Variants in MPP7 observed in about 807,000 individuals in gnomAD.
The protein encoded by MPP7 is MAGUK p55 scaffold protein 7, also known as MAGUK p55 subfamily member 7.
In MPP7, 60 loss-of-function variants were observed where a neutral mutation model predicts 76.5. The observed-to-expected ratio is 0.78, with a 90% CI of 0.64 to 0.97. The LOEUF (loss-of-function observed/expected upper bound fraction) is 0.97, where lower values mean the gene tolerates loss of function less well. Ranked by LOEUF, MPP7 falls within the 50% of genes least tolerant of loss-of-function variation. The pLI is 0.00. For missense variants in MPP7, 641 were observed against 694.0 expected, an observed-to-expected ratio of 0.92 and a Z score of 0.86; for synonymous variants, 237 against 244.5, an observed-to-expected ratio of 0.97 and a Z score of 0.29.
At chr10:28,170,634 T>C (rs1836649101) in intron 3 of MPP7, among the ~76,000 whole-genome samples, 1 of 150,954 alleles carries the variant, frequency 6.6e-6, no homozygotes, top group Non-Finnish European at 1.5e-5. Context: ...TGTATTATTA[T>C]TATATGTCTA....
chr10:28,304,577 A>G (rs1173131761), upstream of MPP7, among the ~76,000 whole-genome samples: 1 of 152,154 alleles, frequency 6.6e-6, no homozygotes, highest in Non-Finnish European at 1.5e-5. Flanking sequence ...AGTTTTTACC[A>G]AACCTTTCTA....
chr10:28,165,052 G>T (rs2801844), intron 3 of MPP7, among the ~76,000 whole-genome samples: 113,618 of 151,958 alleles, frequency 0.75, 42,613 homozygotes, highest in Middle Eastern at 0.84. Flanking sequence ...GATTCTCTTC[G>T]CCTCACTAAT....
chr10:28,113,973 G>A (rs1289760958), intron 11 of MPP7, among the ~76,000 whole-genome samples: 4 of 152,190 alleles, frequency 2.6e-5, no homozygotes, highest in African/African-American at 9.7e-5. Context: ...TATTCCAAGG[G>A]AGAGTCTCCT....
intron 2 of MPP7, among the ~76,000 whole-genome samples, chr10:28,311,318 T>C (rs1212160211): frequency 1.3e-5 from 2 of 151,578 alleles, no homozygotes; most frequent in Non-Finnish European, 3.0e-5. Context: ...CATACGGGTG[T>C]GAATGACAGC....
chr10:28,134,318 G>A (rs929048745), intron 5 of MPP7, among the ~76,000 whole-genome samples: 3 of 152,118 alleles, frequency 2.0e-5, no homozygotes, highest in African/African-American at 7.2e-5. Flanking sequence ...CTCTTGGTGA[G>A]ATGCCTCCTC....
intron 5 of MPP7, among the ~76,000 whole-genome samples, chr10:28,133,475 T>C (rs1437630113): frequency 6.6e-6 from 1 of 152,218 alleles, no homozygotes; most frequent in Non-Finnish European, 1.5e-5. Context: ...ACCTTGTTCT[T>C]TGCCTTCATA....
At chr10:28,102,997 T>C (rs946268360) in intron 11 of MPP7, among the ~76,000 whole-genome samples, 2 of 152,222 alleles carry the variant, frequency 1.3e-5, no homozygotes, top group Admixed American at 1.3e-4. Context: ...CATTCTATTA[T>C]CTTGACAACC....
chr10:28,095,565 TTC>T (rs1853530682), intron 11 of MPP7, among the ~76,000 whole-genome samples: 1 of 152,152 alleles, frequency 6.6e-6, no homozygotes, highest in Non-Finnish European at 1.5e-5. Flanking sequence ...GGGAGAGTAA[TTC>T]TGTGTCAGAA....
intron 2 of MPP7, among the ~76,000 whole-genome samples, chr10:28,314,469 T>C (rs867488612): frequency 2.6e-5 from 4 of 152,194 alleles, no homozygotes; most frequent in South Asian, 2.1e-4. Context: ...TGGAGTGGGC[T>C]TGATGAAAGA....
intron 1 of MPP7, among the ~76,000 whole-genome samples, chr10:28,273,815 T>C (rs1840403295): frequency 6.6e-6 from 1 of 152,204 alleles, no homozygotes; most frequent in Non-Finnish European, 1.5e-5. Flanking sequence ...CAAAGCTGCA[T>C]GTATCTCAGA....
chr10:28,327,644 AT>A (rs1444716270), intron 2 of MPP7, among the ~76,000 whole-genome samples: 2 of 152,166 alleles, frequency 1.3e-5, no homozygotes, highest in African/African-American at 4.8e-5. Flanking sequence ...CGAGGTTTCT[AT>A]TTTTAACCAA....
intron 12 of MPP7, among the ~76,000 whole-genome samples, chr10:28,085,216 G>A (rs1564622735): frequency 2.0e-5 from 3 of 152,024 alleles, no homozygotes; most frequent in South Asian, 2.1e-4. Flanking sequence ...GGTCTGAATC[G>A]GTTCTGTAAC....
At chr10:28,108,314 A>C (rs1834387835) in intron 11 of MPP7, among the ~76,000 whole-genome samples, 1 of 152,202 alleles carries the variant, frequency 6.6e-6, no homozygotes, top group Non-Finnish European at 1.5e-5. Context: ...TTATCATCAT[A>C]CATAATTATT....
intron 2 of MPP7, among the ~76,000 whole-genome samples, chr10:28,209,921 T>C (rs1031346821): frequency 2.6e-5 from 4 of 152,196 alleles, no homozygotes; most frequent in South Asian, 2.1e-4. Context: ...CTCACCAACA[T>C]GGGCAGCATC....
At chr10:28,074,862 C>G (rs1416482447) in intron 12 of MPP7, among the ~76,000 whole-genome samples, 1 of 152,214 alleles carries the variant, frequency 6.6e-6, no homozygotes, top group East Asian at 1.9e-4. Context: ...TTGCTAATAT[C>G]TTCAACTCTT....
rs1401069073 is a variant in MPP7 at position 28,054,263 on chromosome 10, A to C, written c.1552-19T>G. On this transcript the variant is annotated intron_variant, in intron 16 of 16. Transcript: ENST00000683449. The stretch of plus-strand genomic sequence containing the variant: ...CTTCTTCCTACAAAAGGAAGTATTA[A>C]AAAAATAATTGGTTAACCAGGCCAT... 1 of 1,486,620 alleles carries C rather than the reference A, an allele frequency of 6.7e-7. No individual in the cohort carries two copies. Among genetic ancestry groups the C allele is most frequent in the East Asian group, 2.3e-5 (1 of 42,918 alleles). The allele number at this position is 1,486,620 out of a possible 1,614,324, so 92.1% of individuals were successfully genotyped here. A position where few individuals can be genotyped will look rare whatever the true frequency, so the allele number is the denominator to read the frequency against.
At chr10:28,283,200 G>A (rs1442801827) in intron 1 of MPP7, among the ~76,000 whole-genome samples, 1 of 151,902 alleles carries the variant, frequency 6.6e-6, no homozygotes, top group Non-Finnish European at 1.5e-5. Flanking sequence ...ATAAAGGGGA[G>A]GAAATTTCCA....
intron 2 of MPP7, 69 bp from the exon 3 acceptor site, chr10:28,202,340 GT>G (rs1428261758): frequency 6.7e-5 from 71 of 1,063,052 alleles, no homozygotes; most frequent in Non-Finnish European, 9.5e-5. Context: ...TAAGGTGTGT[GT>G]AAATGACAGC....
chr10:28,246,612 T>C (rs1447351670), intron 1 of MPP7, among the ~76,000 whole-genome samples: 1 of 152,108 alleles, frequency 6.6e-6, no homozygotes, highest in Non-Finnish European at 1.5e-5. Context: ...GGCTGGGCAA[T>C]CATAGCAGAA....
Sources: allele counts gnomAD v4.1 joint callset (sites outside exome capture counted in the v4.1 genomes callset), GRCh38; gene constraint gnomAD v4.1.1; transcripts MANE v1.5; gene names NCBI Gene and HGNC (gene_info 2026-07-23, HGNC 2026-07-21).